Variants in CREM observed in about 807,000 individuals in gnomAD.
CREM encodes the protein cAMP-responsive element modulator.
CREM carries 13 observed loss-of-function variants against 37.3 expected under a neutral mutation model. The observed-to-expected ratio is 0.35, with a 90% confidence interval of 0.23 to 0.55. CREM has a LOEUF of 0.55. CREM is among the 20% of genes least tolerant of loss of function. The pLI is 0.88. For missense variants in CREM, 296 were observed against 362.3 expected, an observed-to-expected ratio of 0.82 and a Z score of 1.49; for synonymous variants, 124 against 120.2, an observed-to-expected ratio of 1.03 and a Z score of -0.21.
intron 6 of CREM, among the ~76,000 whole-genome samples, chr10:35,189,065 A>AT (rs2094788058): frequency 6.6e-6 from 1 of 152,160 alleles, no homozygotes; most frequent in Non-Finnish European, 1.5e-5. Flanking sequence ...ATCTATGACA[A>AT]TTTAAGTATT....
Position 35,211,606 on chromosome 10 carries a change from A to T in CREM, c.*208A>T. 1 of 1,597,320 alleles carries T rather than the reference A, an allele frequency of 6.3e-7. No individual in the cohort carries two copies. The highest frequency in any genetic ancestry group is 8.5e-7 in the Non-Finnish European group (1 of 1,171,822). On this transcript the variant is annotated 3_prime_UTR_variant, in exon 8 of 8. Transcript: ENST00000685392. ...CGAGCTTACTTTGATCTGTTTGTCAATAGCATGCAAAAAATGCTTTGTTTG... is the reference window on the plus strand; with the variant it reads ...CGAGCTTACTTTGATCTGTTTGTCATTAGCATGCAAAAAATGCTTTGTTTG...
At chr10:35,169,232 A>G (rs981643167) in intron 3 of CREM, among the ~76,000 whole-genome samples, 10 of 152,312 alleles carry the variant, frequency 6.6e-5, no homozygotes, top group Admixed American at 2.6e-4. Flanking sequence ...GTTCATGAGC[A>G]TGGAATGTTC....
intron 3 of CREM, among the ~76,000 whole-genome samples, chr10:35,165,126 A>G (rs1241577256): frequency 6.6e-6 from 1 of 152,026 alleles, no homozygotes; most frequent in South Asian, 2.1e-4. Context: ...TAAAGAAAAG[A>G]AGTTTGTTTT....
chr10:35,174,406 G>A (rs2093957970), intron 3 of CREM, among the ~76,000 whole-genome samples: 1 of 152,146 alleles, frequency 6.6e-6, no homozygotes, highest in Non-Finnish European at 1.5e-5. Flanking sequence ...TCAACACCTA[G>A]GTTCTCTTAC....
intron 3 of CREM, among the ~76,000 whole-genome samples, chr10:35,160,328 A>T (rs2136347126): frequency 6.6e-6 from 1 of 152,284 alleles, no homozygotes; most frequent in Middle Eastern, 3.4e-3. Context: ...GCAGGACTGG[A>T]TGTTGTCCTG....
At chr10:35,176,119 T>TA in intron 3 of CREM, 1 of 1,352,872 alleles carries the variant, frequency 7.4e-7, no homozygotes, top group South Asian at 1.5e-5. Flanking sequence ...TTTTATTAGA[T>TA]ATTTGGAGGA....
At chr10:35,175,590 C>A in intron 3 of CREM, 2 of 1,386,082 alleles carry the variant, frequency 1.4e-6, no homozygotes, top group Non-Finnish European at 2.0e-6. Flanking sequence ...GAACTTTGTG[C>A]TTGGAACATT....
chr10:35,187,692 A>G (rs1332088287), intron 5 of CREM, among the ~76,000 whole-genome samples: 1 of 151,460 alleles, frequency 6.6e-6, no homozygotes, highest in Non-Finnish European at 1.5e-5. Flanking sequence ...TTTTTTAGAG[A>G]CAGGGTTTTC....
At chr10:35,154,362 C>T (rs2092770848) in intron 3 of CREM, 1 of 313,988 alleles carries the variant, frequency 3.2e-6, no homozygotes, top group African/African-American at 2.2e-5. Flanking sequence ...GGTTAGCAAC[C>T]TCATATTTGT....
At chr10:35,194,718 A>G (rs989701218) in intron 6 of CREM, among the ~76,000 whole-genome samples, 3 of 149,838 alleles carry the variant, frequency 2.0e-5, no homozygotes, top group Non-Finnish European at 4.4e-5. Flanking sequence ...GAAATATGGT[A>G]TTTCTTTGCT....
chr10:35,197,800 A>C (rs2095254752), intron 6 of CREM, among the ~76,000 whole-genome samples: 1 of 152,100 alleles, frequency 6.6e-6, no homozygotes, highest in African/African-American at 2.4e-5. Flanking sequence ...CACAGGGTTA[A>C]GGGACTTTTT....
At chr10:35,186,954 TATAA>T (rs1183336225) in intron 5 of CREM, among the ~76,000 whole-genome samples, 6 of 97,738 alleles carry the variant, frequency 6.1e-5, no homozygotes, top group African/African-American at 2.6e-4. Flanking sequence ...AAATTATATA[TATAA>T]ATATATAATT....
intron 1 of CREM, among the ~76,000 whole-genome samples, chr10:35,132,192 C>T (rs1408838687): frequency 2.0e-4 from 24 of 122,994 alleles, no homozygotes; most frequent in African/African-American, 6.7e-4. Context: ...TAGAGCGAGA[C>T]TTGAGTCTCA....
chr10:35,175,851 A>G (rs1485324241), intron 3 of CREM: 3 of 1,583,822 alleles, frequency 1.9e-6, no homozygotes, highest in South Asian at 2.3e-5. Context: ...TCATTTTGGC[A>G]GGTTTCTGTG....
At chr10:35,195,086 G>T (rs2095093641) in intron 6 of CREM, 1 of 1,187,244 alleles carries the variant, frequency 8.4e-7, no homozygotes, top group African/African-American at 1.5e-5. Flanking sequence ...ATGTCATTGT[G>T]ATGTCAGTCC....
At chr10:35,144,529 A>G (rs529021433) in intron 2 of CREM, among the ~76,000 whole-genome samples, 1 of 152,262 alleles carries the variant, frequency 6.6e-6, no homozygotes, top group South Asian at 2.1e-4. Flanking sequence ...TATTCATAGT[A>G]TTGGAAAATT....
intron 3 of CREM, among the ~76,000 whole-genome samples, chr10:35,161,856 A>C (rs976482392): frequency 4.6e-5 from 7 of 152,190 alleles, no homozygotes; most frequent in African/African-American, 1.7e-4. Context: ...CATATGGAAA[A>C]CAGTATGGAG....
chr10:35,198,324 A>G (rs2095276760), intron 6 of CREM, among the ~76,000 whole-genome samples: 1 of 152,078 alleles, frequency 6.6e-6, no homozygotes. Flanking sequence ...GGAGTTCAAG[A>G]CCAGCCTGGC....
At chr10:35,195,107 C>A in intron 6 of CREM, 1 of 1,451,190 alleles carries the variant, frequency 6.9e-7, no homozygotes, top group Non-Finnish European at 9.6e-7. Context: ...TCCTGCTTAT[C>A]CTGCACATGC....
Sources: gnomAD v4.1 joint callset for allele counts (sites outside exome capture counted in the v4.1 genomes callset) on GRCh38, gnomAD v4.1.1 for gene constraint, MANE v1.5 for transcripts, NCBI Gene and HGNC (gene_info 2026-07-23, HGNC 2026-07-21) for gene names.